ADGRL2: variants seen among roughly 807,000 people sequenced by gnomAD.
The protein encoded by ADGRL2 is calcium-independent alpha-latrotoxin receptor 2.
A neutral mutation model predicts 157.4 loss-of-function variants in ADGRL2; 44 were observed. The observed-to-expected ratio is 0.28, with a 90% CI of 0.22 to 0.36. The LOEUF (loss-of-function observed/expected upper bound fraction) is 0.36, where lower values mean the gene tolerates loss of function less well. Ranked by LOEUF, ADGRL2 falls within the 10% of genes least tolerant of loss-of-function variation. ADGRL2 has a pLI of 1.00. For synonymous variants in ADGRL2, 585 were observed against 624.7 expected (o/e 0.94, Z 0.95); for missense variants, 1,510 against 1,768.9 (o/e 0.85, Z 2.63).
At chr1:81,337,216 T>C (rs74093312) in intron 1 of ADGRL2, among the ~76,000 whole-genome samples, 19,591 of 152,214 alleles carry the variant, frequency 0.13, 1,393 homozygotes, top group African/African-American at 0.14. Flanking sequence ...TCTTCCTAGA[T>C]GCCGAACAAG....
chr1:81,574,115 G>C (rs1179299029), intron 2 of ADGRL2, among the ~76,000 whole-genome samples: 2 of 150,506 alleles, frequency 1.3e-5, no homozygotes, highest in African/African-American at 4.9e-5. Flanking sequence ...ACCTAAAAAT[G>C]AATTTTTTTT....
Position 81,642,265 on chromosome 1 carries a change from A to AC in ADGRL2, c.-143+61285_-143+61286insC, listed in dbSNP as rs1327350865. On this transcript the variant is annotated intron_variant, in intron 3 of 24. Transcript: ENST00000370721. ...TCTGTCTCCAAAAAAAAAAAAAAAA[A>AC]AAAAATTAGCCAGGCATTGTGGTGC... Among the ~76,000 whole-genome samples, 138 of 150,548 alleles carry AC rather than the reference A, an allele frequency of 9.2e-4. 1 individual carries two copies. Among genetic ancestry groups the AC allele is most frequent in the Admixed American group, 5.8e-3 (88 of 15,060 alleles).
At chr1:81,595,075 G>C (rs1212934167) in intron 3 of ADGRL2, among the ~76,000 whole-genome samples, 4 of 149,610 alleles carry the variant, frequency 2.7e-5, no homozygotes, top group Non-Finnish European at 5.9e-5. Context: ...TAGTCTAATG[G>C]AGGTGACAGA....
intron 2 of ADGRL2, among the ~76,000 whole-genome samples, chr1:81,906,332 G>C (rs1419005539): frequency 6.6e-6 from 1 of 152,154 alleles, no homozygotes; most frequent in Non-Finnish European, 1.5e-5. Context: ...ATGTCACCCA[G>C]TACTGCTTTG....
chr1:81,565,962 G>A (rs2080550944), intron 2 of ADGRL2, among the ~76,000 whole-genome samples: 1 of 152,144 alleles, frequency 6.6e-6, no homozygotes, highest in Non-Finnish European at 1.5e-5. Context: ...GAATAGATTT[G>A]GGACTGGAAT....
chr1:81,344,602 G>A (rs1175204506), intron 1 of ADGRL2, among the ~76,000 whole-genome samples: 2 of 141,520 alleles, frequency 1.4e-5, no homozygotes, highest in African/African-American at 2.7e-5. Context: ...GGAGGCAGAG[G>A]TTGCAGTGAG....
At chr1:81,438,039 GAA>G (rs36104208) in intron 1 of ADGRL2, among the ~76,000 whole-genome samples, 2,860 of 143,994 alleles carry the variant, frequency 0.02, 61 homozygotes, top group African/African-American at 0.052. Flanking sequence ...CCTGTTTGGG[GAA>G]AAAAAAAAAA....
upstream of ADGRL2, among the ~76,000 whole-genome samples, chr1:81,800,231 T>A (rs923956805): frequency 1.3e-5 from 2 of 152,068 alleles, no homozygotes; most frequent in Non-Finnish European, 2.9e-5. Context: ...TGAAATATAG[T>A]CAATAAAGTC....
At chr1:81,759,734 A>T (rs1354093697) in intron 1 of ADGRL2, among the ~76,000 whole-genome samples, 1 of 152,092 alleles carries the variant, frequency 6.6e-6, no homozygotes, top group African/African-American at 2.4e-5. Context: ...ATGCTTGGAC[A>T]TCTGTTTAAG....
chr1:81,354,193 C>T (rs1663114811), intron 1 of ADGRL2, among the ~76,000 whole-genome samples: 1 of 152,120 alleles, frequency 6.6e-6, no homozygotes, highest in Non-Finnish European at 1.5e-5. Flanking sequence ...ATTTAATCCT[C>T]ACAAATAACC....
chr1:81,808,484 T>C (rs1477041438), intron 1 of ADGRL2, among the ~76,000 whole-genome samples: 2 of 152,000 alleles, frequency 1.3e-5, no homozygotes, highest in Non-Finnish European at 2.9e-5. Context: ...GTTTTGTTTT[T>C]ATGAAAGCTA....
chr1:81,698,103 C>T (rs546227992), upstream of ADGRL2, among the ~76,000 whole-genome samples: 14 of 152,150 alleles, frequency 9.2e-5, 1 homozygote, highest in East Asian at 2.7e-3. Context: ...AAAATGATAG[C>T]CATTTTTCAA....
chr1:81,990,363 AATG>A, intron 23 of ADGRL2, 25 bp from the exon 24 acceptor site: 1 of 1,599,270 alleles, frequency 6.3e-7, no homozygotes, highest in Non-Finnish European at 8.5e-7. Context: ...CAGAGACAGT[AATG>A]ATAACTCCCC....
intron 1 of ADGRL2, among the ~76,000 whole-genome samples, chr1:81,714,220 A>G (rs1458304700): frequency 1.3e-5 from 2 of 152,210 alleles, no homozygotes; most frequent in African/African-American, 2.4e-5. Context: ...CATATCAGAT[A>G]CCTATATAAG....
At chr1:81,739,139 C>A (rs1340951134) in intron 1 of ADGRL2, among the ~76,000 whole-genome samples, 1 of 152,142 alleles carries the variant, frequency 6.6e-6, no homozygotes, top group Admixed American at 6.5e-5. Flanking sequence ...CAAAACAAAA[C>A]CACAACTTTA....
intron 2 of ADGRL2, among the ~76,000 whole-genome samples, chr1:81,539,373 G>C (rs2079826088): frequency 6.6e-6 from 1 of 152,160 alleles, no homozygotes; most frequent in Non-Finnish European, 1.5e-5. Flanking sequence ...CAGCTCTAGA[G>C]CTACAAGGCA....
intron 1 of ADGRL2, among the ~76,000 whole-genome samples, chr1:81,831,228 T>G (rs904760462): frequency 1.3e-5 from 2 of 152,224 alleles, no homozygotes; most frequent in Admixed American, 1.3e-4. Context: ...GAACAACTTC[T>G]CTAGTAGTTT....
intron 6 of ADGRL2, among the ~76,000 whole-genome samples, chr1:81,948,215 CA>C (rs199847998): frequency 5.0e-5 from 6 of 120,286 alleles, no homozygotes; most frequent in Admixed American, 1.8e-4. Flanking sequence ...GACTCCATCT[CA>C]AAAAAAAAAA....
intron 1 of ADGRL2, among the ~76,000 whole-genome samples, chr1:81,371,922 TAAAC>T: frequency 6.6e-6 from 1 of 152,104 alleles, no homozygotes; most frequent in African/African-American, 2.4e-5. Flanking sequence ...GATGTGTAAA[TAAAC>T]AAAGAAAAAA....
Sources: allele counts gnomAD v4.1 joint callset (sites outside exome capture counted in the v4.1 genomes callset), GRCh38; gene constraint gnomAD v4.1.1; transcripts MANE v1.5; gene names NCBI Gene and HGNC (gene_info 2026-07-23, HGNC 2026-07-21).